WWP1: variants seen among roughly 807,000 people sequenced by gnomAD.
WWP1 encodes the protein WW domain containing E3 ubiquitin protein ligase 1.
WWP1 carries 49 observed loss-of-function variants against 130.6 expected under a neutral mutation model. The observed-to-expected ratio is 0.38, with a 90% CI of 0.30 to 0.48. The LOEUF (loss-of-function observed/expected upper bound fraction) is 0.48, where lower values mean the gene tolerates loss of function less well. Ranked by LOEUF, WWP1 falls within the 20% of genes least tolerant of loss-of-function variation. WWP1 has a pLI of 0.99. For missense variants in WWP1, 809 were observed against 1,100.6 expected (o/e 0.74, Z 3.75); for synonymous variants, 332 against 367.8 (o/e 0.90, Z 1.11).
chr8:86,430,507 G>A (rs1021359361), intron 11 of WWP1, among the ~76,000 whole-genome samples, 190 bp from the exon 12 acceptor site: 2 of 151,706 alleles, frequency 1.3e-5, no homozygotes, highest in African/African-American at 2.4e-5. Context: ...GAACTCCTGG[G>A]CTTAAGTAAT....
At chr8:86,420,723 T>A (rs1424749391) in intron 9 of WWP1, among the ~76,000 whole-genome samples, 3 of 152,200 alleles carry the variant, frequency 2.0e-5, no homozygotes, top group Admixed American at 6.5e-5. Flanking sequence ...ACTGTTGTTT[T>A]TTGCAATAAG....
At chr8:86,376,007 G>A (rs1485428704) in intron 3 of WWP1, among the ~76,000 whole-genome samples, 1 of 152,190 alleles carries the variant, frequency 6.6e-6, no homozygotes, top group Admixed American at 6.5e-5. Context: ...TTCTCTCACT[G>A]TAAGGTTGAA....
Position 86,342,588 on chromosome 8 carries a change from A to C in WWP1, c.-457A>C. ...TGGAGGCTTTGGGCGGCCGCGGCGT[A>C]GCGCGCGGTGCCGGGGCCGGCGGGG... On this transcript the variant is annotated 5_prime_UTR_variant, in exon 1 of 25. Coordinates refer to ENST00000517970, the MANE Select transcript of WWP1 (RefSeq NM_007013.4). 1.3e-5 allele frequency: 2 copies of C among 159,006 alleles called. No individual in the cohort carries two copies. The highest frequency in any genetic ancestry group is 2.7e-5 in the Non-Finnish European group (2 of 73,688). The allele number at this position is 159,006 out of a possible 1,614,324, so 9.8% of individuals were successfully genotyped here. A position where few individuals can be genotyped will look rare whatever the true frequency, so the allele number is the denominator to read the frequency against.
intron 1 of WWP1, among the ~76,000 whole-genome samples, chr8:86,367,731 T>C (rs1824052345): frequency 6.6e-6 from 1 of 152,168 alleles, no homozygotes; most frequent in Admixed American, 6.5e-5. Flanking sequence ...TGAACCTAAA[T>C]TGATCATATA....
chr8:86,423,908 A>C (rs1809404265), intron 9 of WWP1, among the ~76,000 whole-genome samples: 3 of 112,032 alleles, frequency 2.7e-5, no homozygotes, highest in Admixed American at 8.8e-5. Flanking sequence ...GCTGCCCCCC[A>C]CCTCCCTCCC....
At chr8:86,387,982 A>G (rs1363207938) in intron 5 of WWP1, among the ~76,000 whole-genome samples, 1 of 152,214 alleles carries the variant, frequency 6.6e-6, no homozygotes, top group Non-Finnish European at 1.5e-5. Context: ...TTCATCATGT[A>G]TGGCAGTTGA....
chr8:86,377,174 C>G (rs947661838), intron 3 of WWP1, among the ~76,000 whole-genome samples: 2 of 152,120 alleles, frequency 1.3e-5, no homozygotes, highest in Non-Finnish European at 2.9e-5. Context: ...CAACCTCCCC[C>G]TCCTGGGTTC....
intron 1 of WWP1, among the ~76,000 whole-genome samples, chr8:86,346,559 A>G (rs1822594288): frequency 6.6e-6 from 1 of 152,232 alleles, no homozygotes; most frequent in South Asian, 2.1e-4. Flanking sequence ...TGGGTGGATT[A>G]AGTAGCTAGC....
intron 7 of WWP1, among the ~76,000 whole-genome samples, chr8:86,399,862 C>T (rs908884378): frequency 6.6e-6 from 1 of 152,094 alleles, no homozygotes; most frequent in Non-Finnish European, 1.5e-5. Flanking sequence ...TTTACCTGCC[C>T]AAACTTCCTA....
chr8:86,374,890 T>C (rs532246878), intron 3 of WWP1, among the ~76,000 whole-genome samples: 1 of 152,136 alleles, frequency 6.6e-6, no homozygotes, highest in Non-Finnish European at 1.5e-5. Flanking sequence ...AAAAAAAAAT[T>C]TTTTTAGAGA....
rs137897362 is a variant in WWP1, at chr8:86,468,480, A to G, written c.*1587A>G. The G allele has an allele frequency of 2.9e-4, 121 of 424,308 alleles. No individual in the cohort carries two copies. The East Asian group carries it at 7.7e-3, about 27-fold the overall frequency. 26.3% of individuals were successfully genotyped at this position (424,308 alleles called of 1,614,324 possible). A position where few individuals can be genotyped will look rare whatever the true frequency, so the allele number is the denominator to read the frequency against. On this transcript the variant is annotated 3_prime_UTR_variant, in exon 25 of 25. Coordinates refer to ENST00000517970, the MANE Select transcript of WWP1 (RefSeq NM_007013.4). ...GTGACAGGTTATGTGATAGAGGGAAACTGGCCTTCAAAAAGGACTGCGTAT... is the reference window on the plus strand; with the variant it reads ...GTGACAGGTTATGTGATAGAGGGAAGCTGGCCTTCAAAAAGGACTGCGTAT...
At chr8:86,435,285 C>A (rs1563531113) in intron 14 of WWP1, among the ~76,000 whole-genome samples, 167 bp from the exon 15 acceptor site, 1 of 151,986 alleles carries the variant, frequency 6.6e-6, no homozygotes. Context: ...TGTAATAGTC[C>A]CCATTACTTG....
At chr8:86,376,119 A>G (rs547145477) in intron 3 of WWP1, among the ~76,000 whole-genome samples, 2 of 152,348 alleles carry the variant, frequency 1.3e-5, no homozygotes, top group East Asian at 3.9e-4. Context: ...AACCACTTAC[A>G]TAATTCCTTC....
chr8:86,409,089 G>A (rs1442235410), intron 8 of WWP1, among the ~76,000 whole-genome samples: 2 of 151,774 alleles, frequency 1.3e-5, no homozygotes, highest in East Asian at 3.9e-4. Flanking sequence ...CTACAAATGA[G>A]TTTTACCATA....
intron 1 of WWP1, among the ~76,000 whole-genome samples, chr8:86,364,200 GTAAA>G (rs1823829073): frequency 1.3e-5 from 2 of 152,314 alleles, no homozygotes; most frequent in South Asian, 2.1e-4. Context: ...TTGAATTTCT[GTAAA>G]TAAAGTGAAT....
chr8:86,364,952 T>C (rs956561694), intron 1 of WWP1, among the ~76,000 whole-genome samples: 1 of 150,682 alleles, frequency 6.6e-6, no homozygotes, highest in Non-Finnish European at 1.5e-5. Context: ...TATAAGAAAA[T>C]GAAGTGGCTG....
At chr8:86,400,099 A>G (rs4379426) in intron 7 of WWP1, among the ~76,000 whole-genome samples, 110,334 of 151,306 alleles carry the variant, frequency 0.73, 41,067 homozygotes, top group African/African-American at 0.82. Flanking sequence ...GGGAGGCCGA[A>G]GCGGGCAGAT....
chr8:86,417,400 G>C (rs1011442129), intron 9 of WWP1: 5 of 152,068 alleles, frequency 3.3e-5, no homozygotes, highest in Non-Finnish European at 5.9e-5. Context: ...ATCTAATAAA[G>C]TGCATTCTAG....
At chr8:86,397,851 C>T (rs1807763433) in intron 5 of WWP1, among the ~76,000 whole-genome samples, 1 of 152,178 alleles carries the variant, frequency 6.6e-6, no homozygotes, top group Non-Finnish European at 1.5e-5. Flanking sequence ...CTAGGGCTGT[C>T]TGTATGGTTT....
Sources: gnomAD v4.1 joint callset for allele counts (sites outside exome capture counted in the v4.1 genomes callset) on GRCh38, gnomAD v4.1.1 for gene constraint, MANE v1.5 for transcripts, NCBI Gene and HGNC (gene_info 2026-07-23, HGNC 2026-07-21) for gene names.